The following ADGRL4 variants were observed in gnomAD, a reference collection of about 807,000 sequenced individuals.
The protein encoded by ADGRL4 is adhesion G protein-coupled receptor L4.
In ADGRL4, 90 loss-of-function variants were observed where a neutral mutation model predicts 74.8. The ratio of observed to expected loss-of-function variants is 1.20; its 90% CI spans 1.02 to 1.43. The LOEUF is 1.43. Among genes scored for constraint, ADGRL4 ranks in the 40% most tolerant of loss-of-function variants. ADGRL4 has a pLI of 0.00. For synonymous variants in ADGRL4, 311 were observed against 279.2 expected (o/e 1.11, Z -1.14); for missense variants, 881 against 814.3 (o/e 1.08, Z -1.00).
At chr1:78,981,061 G>A (rs980180197) in intron 2 of ADGRL4, among the ~76,000 whole-genome samples, 1 of 151,832 alleles carries the variant, frequency 6.6e-6, no homozygotes, top group Non-Finnish European at 1.5e-5. Flanking sequence ...TTTCAAAATA[G>A]TATTAATCTT....
At chr1:79,001,102 A>T (rs1429672903) in intron 2 of ADGRL4, among the ~76,000 whole-genome samples, 2 of 151,088 alleles carry the variant, frequency 1.3e-5, no homozygotes, top group South Asian at 2.1e-4. Flanking sequence ...TTAAAAAACA[A>T]GAAAGAGAGA....
chr1:78,916,126 A>C (rs1648867733), intron 12 of ADGRL4, among the ~76,000 whole-genome samples: 1 of 151,864 alleles, frequency 6.6e-6, no homozygotes, highest in South Asian at 2.1e-4. Flanking sequence ...TTTCATCTAA[A>C]TTCTCTGTAT....
intron 12 of ADGRL4, among the ~76,000 whole-genome samples, chr1:78,903,993 T>C (rs531992435): frequency 1.3e-5 from 2 of 150,080 alleles, no homozygotes; most frequent in South Asian, 4.2e-4. Flanking sequence ...ATAATAATAA[T>C]GTACTATTGA....
Position 78,921,746 on chromosome 1 carries a change from T to C in ADGRL4, c.1124A>G (p.Tyr375Cys). The C allele has an allele frequency of 1.9e-6, 3 of 1,598,342 alleles. No individual in the cohort carries two copies. The highest frequency in any genetic ancestry group is 2.3e-5 in the East Asian group (1 of 43,982). ...RYRSLCAFWNYSPDTMNGSWS... is the reference protein window; with the variant it reads ...RYRSLCAFWNCSPDTMNGSWS... ...GCTGCCATTCATGGTATCAGGTGAG[T>C]AATTCCAAAATGCACATAGACTCCT... Residue 375 changes from tyrosine to cysteine, a missense_variant, in exon 9 of 15, where the codon TAC (tyrosine) becomes TGC (cysteine). Transcript: ENST00000370742.
Position 78,982,249 on chromosome 1 carries a change from A to G in ADGRL4, c.172+22821T>C, listed in dbSNP as rs191807055. Among the ~76,000 whole-genome samples the G allele has an allele frequency of 6.9e-4, 105 of 151,952 alleles. No homozygotes were observed. The Middle Eastern group carries it at 0.014, about 20-fold the overall frequency. ...TTTGCTCACAATTTCATGCTTTAAC[A>G]TTTTCCTATGAAAGGTGGGACAACA... On this transcript the variant is annotated intron_variant, in intron 2 of 14. Transcript: ENST00000370742.
At chr1:78,910,909 A>T (rs181688418) in intron 12 of ADGRL4, among the ~76,000 whole-genome samples, 1 of 151,960 alleles carries the variant, frequency 6.6e-6, no homozygotes, top group East Asian at 1.9e-4. Flanking sequence ...TAATGAACCA[A>T]ACACCTGAAG....
intron 2 of ADGRL4, among the ~76,000 whole-genome samples, chr1:78,978,857 A>T (rs538279970): frequency 6.6e-6 from 1 of 152,102 alleles, no homozygotes; most frequent in African/African-American, 2.4e-5. Context: ...AATGCCAAAG[A>T]TCTTATCTTT....
At chr1:78,941,632 C>A (rs1416159870) in intron 3 of ADGRL4, among the ~76,000 whole-genome samples, 3 of 151,874 alleles carry the variant, frequency 2.0e-5, no homozygotes, top group African/African-American at 7.3e-5. Context: ...ACACAAAAAT[C>A]TTGGCTCCAT....
At chr1:78,956,287 G>A (rs184065783) in intron 2 of ADGRL4, among the ~76,000 whole-genome samples, 6 of 152,044 alleles carry the variant, frequency 3.9e-5, no homozygotes, top group Middle Eastern at 3.4e-3. Flanking sequence ...TTAAGCTGTC[G>A]GATACATGTC....
At chr1:78,925,094 G>A (rs997283894) in intron 8 of ADGRL4, among the ~76,000 whole-genome samples, 3 of 152,082 alleles carry the variant, frequency 2.0e-5, no homozygotes, top group African/African-American at 7.2e-5. Context: ...GGAAAGATGA[G>A]ATGGTGGATG....
intron 2 of ADGRL4, among the ~76,000 whole-genome samples, chr1:78,965,378 A>T (rs770950734): frequency 2.6e-5 from 4 of 152,180 alleles, no homozygotes; most frequent in Admixed American, 6.5e-5. Context: ...TAGTATACAA[A>T]CTTTGCAGAC....
chr1:78,907,691 G>A (rs930192884), intron 12 of ADGRL4, among the ~76,000 whole-genome samples: 3 of 151,966 alleles, frequency 2.0e-5, no homozygotes, highest in Non-Finnish European at 4.4e-5. Flanking sequence ...TAACTAGATG[G>A]AGGTATAAAC....
intron 12 of ADGRL4, among the ~76,000 whole-genome samples, chr1:78,904,422 T>A (rs1205343171): frequency 6.6e-6 from 1 of 152,074 alleles, no homozygotes; most frequent in African/African-American, 2.4e-5. Flanking sequence ...TTAAATATTG[T>A]TATTTCATCT....
At position 78,893,135 on chromosome 1, in the gene ADGRL4, C is replaced by T. The variant is rs558590551; in HGVS notation, c.1804G>A (p.Gly602Arg). 2.5e-6 allele frequency: 4 copies of T among 1,603,894 alleles called. No individual in the cohort carries two copies. The South Asian group carries it at 4.5e-5, about 18-fold the overall frequency. ...IIYKVFRHTAGLKPEVSCFEN... is the reference protein window; with the variant it reads ...IIYKVFRHTARLKPEVSCFEN... ...AAGCAACTAACTTCTGGTTTCAACCCTGCAGTGTGACGAAAAACTTTGTAT... is the reference window on the plus strand; with the variant it reads ...AAGCAACTAACTTCTGGTTTCAACCTTGCAGTGTGACGAAAAACTTTGTAT... Residue 602 changes from glycine to arginine, a missense_variant, in exon 13 of 15, where the codon GGG (glycine) becomes AGG (arginine). Transcript: ENST00000370742.
rs1649353654 is a variant in ADGRL4, at chr1:78,936,368, A to G, written c.804T>C (p.Ile268=). 3.8e-6 allele frequency: 6 copies of G among 1,583,678 alleles called. No individual in the cohort carries two copies. Among genetic ancestry groups the G allele is most frequent in the Non-Finnish European group, 5.1e-6 (6 of 1,169,778 alleles). The change falls in exon 7 of 15, where the codon ATT becomes ATC. Residue 268 remains isoleucine, a synonymous_variant. Coordinates refer to ENST00000370742, the MANE Select transcript of ADGRL4 (RefSeq NM_022159.4). ...CTCCATCCATATTCATATGAGGATG[A>G]ATATGTTTCATGTTATATGAATCAA... is the stretch of plus-strand genomic sequence containing the variant. ...FFFDSYNMKH[I]HPHMNMDGDY...
chr1:78,979,713 T>G (rs191669567), intron 2 of ADGRL4, among the ~76,000 whole-genome samples: 1 of 152,032 alleles, frequency 6.6e-6, no homozygotes, highest in African/African-American at 2.4e-5. Flanking sequence ...GAATACTACT[T>G]AGCCATAAAA....
At chr1:78,946,542 T>C (rs534720862) in intron 2 of ADGRL4, 116 bp from the exon 3 acceptor site, 2 of 815,064 alleles carry the variant, frequency 2.5e-6, no homozygotes, top group South Asian at 1.9e-5. Context: ...GTGATGTTTA[T>C]ATCTACAAAC....
At chr1:78,903,709 G>A (rs1001165435) in intron 12 of ADGRL4, among the ~76,000 whole-genome samples, 1 of 152,034 alleles carries the variant, frequency 6.6e-6, no homozygotes, top group Admixed American at 6.6e-5. Context: ...GCCGAGGAGG[G>A]TGGATCACGA....
intron 12 of ADGRL4, among the ~76,000 whole-genome samples, chr1:78,895,097 C>T (rs112415268): frequency 0.026 from 3,925 of 151,942 alleles, 73 homozygotes; most frequent in South Asian, 0.052. Context: ...AACCCAGGTG[C>T]TGCTGGGCAA....
Sources: allele counts gnomAD v4.1 joint callset (sites outside exome capture counted in the v4.1 genomes callset), GRCh38; gene constraint gnomAD v4.1.1; transcripts MANE v1.5; gene names NCBI Gene and HGNC (gene_info 2026-07-23, HGNC 2026-07-21).